PRKCQ: variants seen among roughly 807,000 people sequenced by gnomAD.
The protein encoded by PRKCQ is protein kinase C theta.
PRKCQ carries 41 observed loss-of-function variants against 91.2 expected under a neutral mutation model. The ratio of observed to expected loss-of-function variants is 0.45; its 90% confidence interval spans 0.35 to 0.58. The LOEUF (loss-of-function observed/expected upper bound fraction) is 0.58. Ranked by LOEUF, PRKCQ falls within the 20% of genes least tolerant of loss-of-function variation. The probability of loss-of-function intolerance (pLI) is 0.00; values close to 1 mark genes in which losing one functional copy is unlikely to be tolerated. For missense variants in PRKCQ, 673 were observed against 896.5 expected (o/e 0.75, Z 3.18); for synonymous variants, 307 against 316.9 (o/e 0.97, Z 0.33).
At chr10:6,559,478 C>T (rs1221670527) in intron 1 of PRKCQ, among the ~76,000 whole-genome samples, 3 of 152,148 alleles carry the variant, frequency 2.0e-5, no homozygotes, top group African/African-American at 7.2e-5. Flanking sequence ...CCTGCCTCAG[C>T]CTCCTGAGTA....
chr10:6,514,584 T>C (rs1588366772), intron 2 of PRKCQ, among the ~76,000 whole-genome samples: 1 of 152,224 alleles, frequency 6.6e-6, no homozygotes, highest in South Asian at 2.1e-4. Context: ...TAATATCCAC[T>C]GAAGATTCGC....
At chr10:6,547,846 C>G (rs1840022962) in intron 1 of PRKCQ, among the ~76,000 whole-genome samples, 1 of 150,684 alleles carries the variant, frequency 6.6e-6, no homozygotes, top group South Asian at 2.1e-4. Context: ...TCTAAAACAC[C>G]AAAAGCAATG....
intron 17 of PRKCQ, among the ~76,000 whole-genome samples, chr10:6,429,579 ACG>A (rs1833302814): frequency 6.6e-6 from 1 of 152,150 alleles, no homozygotes; most frequent in Non-Finnish European, 1.5e-5. Context: ...CCCCTTCAGC[ACG>A]GATATGGCCC....
chr10:6,478,914 C>G, intron 12 of PRKCQ, 78 bp downstream of exon 12: 1 of 1,512,850 alleles, frequency 6.6e-7, no homozygotes, highest in Non-Finnish European at 9.0e-7. Context: ...ACTCGTGTCT[C>G]CTAATGAGGG....
chr10:6,467,523 G>A (rs1481280264), intron 12 of PRKCQ, among the ~76,000 whole-genome samples: 1 of 152,046 alleles, frequency 6.6e-6, no homozygotes, highest in African/African-American at 2.4e-5. Flanking sequence ...CTTTATGGCG[G>A]GTAATACATT....
At chr10:6,416,292 C>G in the PRKCQ span, among the ~76,000 whole-genome samples, 1 of 151,856 alleles carries the variant, frequency 6.6e-6, no homozygotes, top group African/African-American at 2.4e-5. Flanking sequence ...GCGGTGATTT[C>G]TGAGATTTTG....
chr10:6,488,511 G>A (rs757254051), intron 8 of PRKCQ, among the ~76,000 whole-genome samples: 2 of 151,704 alleles, frequency 1.3e-5, no homozygotes, highest in African/African-American at 2.4e-5. Flanking sequence ...TCAGCCTCCT[G>A]AGTAGCTGGG....
At chr10:6,435,298 C>T (rs1564291376) in intron 16 of PRKCQ, among the ~76,000 whole-genome samples, 1 of 152,206 alleles carries the variant, frequency 6.6e-6, no homozygotes, top group Non-Finnish European at 1.5e-5. Context: ...CTATCCTCAG[C>T]TTTTCCGGAG....
intron 1 of PRKCQ, among the ~76,000 whole-genome samples, chr10:6,527,065 G>C (rs1322287998): frequency 6.6e-6 from 1 of 152,180 alleles, no homozygotes; most frequent in African/African-American, 2.4e-5. Flanking sequence ...CATGGTAGGA[G>C]GCCATCCCCA....
chr10:6,543,573 C>G (rs1031619151), intron 1 of PRKCQ, among the ~76,000 whole-genome samples: 1 of 152,164 alleles, frequency 6.6e-6, no homozygotes. Flanking sequence ...GAGACGCTAA[C>G]CACTACTTTG....
In PRKCQ at chr10:6,431,910, T is replaced by G. The variant is rs538043885; in HGVS notation, c.1837-972A>C. On this transcript the variant is annotated intron_variant, in intron 16 of 17. Transcript: ENST00000263125. ...GCACTGTTCCTTCTCCTGTTCTTTCTGCCTAAGAAGTTAAAATGAACACTG... is the reference window on the plus strand; with the variant it reads ...GCACTGTTCCTTCTCCTGTTCTTTCGGCCTAAGAAGTTAAAATGAACACTG... Among the ~76,000 whole-genome samples the G allele has an allele frequency of 8.5e-5, 13 of 152,344 alleles. 2 individuals are homozygous for G. Among genetic ancestry groups the G allele is most frequent in the Admixed American group, 8.5e-4 (13 of 15,306 alleles).
rs1320980587 is a variant in PRKCQ at position 6,576,634 on chromosome 10, T to C, written c.-10+3577A>G. Among the ~76,000 whole-genome samples the C allele has an allele frequency of 6.6e-6, 1 of 152,216 alleles. No homozygotes were observed. The highest frequency in any genetic ancestry group is 1.5e-5 in the Non-Finnish European group (1 of 68,040). ...CCTGTGGATGGATGATGGCAATGGT[T>C]GCAAAACAATGTGAATATACTTAAT... On this transcript the variant is annotated intron_variant, in intron 1 of 17. Coordinates refer to ENST00000263125, the MANE Select transcript of PRKCQ (RefSeq NM_006257.5). The surrounding 1 kb of genome is among the most constrained non-coding windows in gnomAD (Gnocchi z 4.2).
downstream of PRKCQ, among the ~76,000 whole-genome samples, chr10:6,422,312 A>AT (rs950945844): frequency 9.2e-5 from 14 of 151,716 alleles, no homozygotes; most frequent in Non-Finnish European, 1.3e-4. Context: ...TTTTGTCTTT[A>AT]TTTTTTGGTC....
rs1159340514 is a variant in PRKCQ at position 6,462,267 on chromosome 10, A to G, written c.1508+36T>C. ...TAAATTAACTGAGCCAGGAAAGCCG[A>G]TATCTTAGCATTTGTTTCCACAAAG... On this transcript the variant is annotated intron_variant, in intron 14 of 17. Transcript: ENST00000263125. 8 of 1,573,950 alleles carry G rather than the reference A, an allele frequency of 5.1e-6. No homozygotes were observed. The African/African-American group carries it at 5.4e-5, about 11-fold the overall frequency.
At chr10:6,445,844 C>T (rs574497707) in intron 15 of PRKCQ, among the ~76,000 whole-genome samples, 1 of 152,372 alleles carries the variant, frequency 6.6e-6, no homozygotes, top group African/African-American at 2.4e-5. Flanking sequence ...GCCAGGGACA[C>T]ATGCAATTTC....
At chr10:6,472,879 A>G (rs1310624745) in intron 12 of PRKCQ, among the ~76,000 whole-genome samples, 3 of 151,938 alleles carry the variant, frequency 2.0e-5, no homozygotes, top group South Asian at 4.2e-4. Context: ...CGCCTGGCTA[A>G]TTTTTGTATT....
At chr10:6,550,679 G>C (rs1840149660) in intron 1 of PRKCQ, among the ~76,000 whole-genome samples, 1 of 152,178 alleles carries the variant, frequency 6.6e-6, no homozygotes, top group East Asian at 1.9e-4. Flanking sequence ...TAATCGATGT[G>C]GGTGTGTAAA....
intron 1 of PRKCQ, among the ~76,000 whole-genome samples, chr10:6,565,944 T>C (rs1840821115): frequency 6.6e-6 from 1 of 152,210 alleles, no homozygotes; most frequent in African/African-American, 2.4e-5. Flanking sequence ...GTAAAATGTA[T>C]GCTAATTTAT....
chr10:6,556,036 A>G (rs74542441), intron 1 of PRKCQ, among the ~76,000 whole-genome samples: 5,671 of 152,244 alleles, frequency 0.037, 142 homozygotes, highest in Non-Finnish European at 0.057. Context: ...CAACAACAAC[A>G]AAACCAGGAT....
Sources: allele counts gnomAD v4.1 joint callset (sites outside exome capture counted in the v4.1 genomes callset), GRCh38; gene constraint gnomAD v4.1.1; non-coding constraint Gnocchi (gnomAD v3.1); transcripts MANE v1.5; gene names NCBI Gene and HGNC (gene_info 2026-07-23, HGNC 2026-07-21).